Variants in ANO10 observed in about 807,000 individuals in gnomAD.
The protein encoded by ANO10 is anoctamin 10.
A neutral mutation model predicts 74.7 loss-of-function variants in ANO10; 77 were observed. The ratio of observed to expected loss-of-function variants is 1.03; its 90% CI spans 0.86 to 1.25. The LOEUF is 1.25. Among genes scored for constraint, ANO10 ranks in the 50% most tolerant of loss-of-function variants. The pLI, the probability that ANO10 is intolerant of heterozygous loss-of-function variation, is 0.00. For missense variants in ANO10, 721 were observed against 778.1 expected, an observed-to-expected ratio of 0.93 and a Z score of 0.87; for synonymous variants, 279 against 284.9, an observed-to-expected ratio of 0.98 and a Z score of 0.21.
intron 11 of ANO10, among the ~76,000 whole-genome samples, chr3:43,545,750 T>C (rs2149294461): frequency 6.6e-6 from 1 of 152,324 alleles, no homozygotes; most frequent in East Asian, 1.9e-4. Context: ...AATTGAAATA[T>C]ATTTAAGTTA....
At chr3:43,636,307 AT>A (rs1264731978) in intron 1 of ANO10, 1 of 152,224 alleles carries the variant, frequency 6.6e-6, no homozygotes, top group Non-Finnish European at 1.5e-5. Flanking sequence ...AGGGAGGTTA[AT>A]TTTTCTGGCA....
intron 11 of ANO10, among the ~76,000 whole-genome samples, chr3:43,475,569 T>C (rs1301301551): frequency 6.6e-6 from 1 of 152,126 alleles, no homozygotes; most frequent in Non-Finnish European, 1.5e-5. Context: ...AAAATGCCTA[T>C]CACAAATTTG....
At chr3:43,535,368 A>G (rs1274449593) in intron 11 of ANO10, among the ~76,000 whole-genome samples, 1 of 146,452 alleles carries the variant, frequency 6.8e-6, no homozygotes, top group African/African-American at 2.5e-5. Flanking sequence ...CTCTGCCTCC[A>G]GGGTTCAAGC....
chr3:43,505,306 T>A (rs1463258797), intron 11 of ANO10, among the ~76,000 whole-genome samples: 1 of 152,236 alleles, frequency 6.6e-6, no homozygotes, highest in Non-Finnish European at 1.5e-5. Flanking sequence ...TTCTGTCACA[T>A]CACTTTTTCT....
At chr3:43,686,563 G>C (rs542761469) in intron 1 of ANO10, among the ~76,000 whole-genome samples, 2 of 152,336 alleles carry the variant, frequency 1.3e-5, no homozygotes, top group South Asian at 4.1e-4. Context: ...TAGGATGACA[G>C]GCGTGAGTCA....
chr3:43,393,136 C>T (rs2092310577), intron 12 of ANO10, among the ~76,000 whole-genome samples: 1 of 152,196 alleles, frequency 6.6e-6, no homozygotes. Context: ...TTATTCCAGC[C>T]CAGACTTTCC....
intron 9 of ANO10, among the ~76,000 whole-genome samples, chr3:43,560,757 T>A (rs1412841892): frequency 6.6e-6 from 1 of 152,216 alleles, no homozygotes; most frequent in African/African-American, 2.4e-5. Context: ...AGAACTGTTT[T>A]ATATTTATAC....
At chr3:43,399,076 C>T (rs867317423) in intron 12 of ANO10, among the ~76,000 whole-genome samples, 6 of 152,202 alleles carry the variant, frequency 3.9e-5, no homozygotes, top group African/African-American at 1.4e-4. Flanking sequence ...GATCCACTCA[C>T]CTCGAACTTC....
At chr3:43,549,954 C>A in intron 10 of ANO10, 106 bp from the exon 11 acceptor site, 1 of 1,288,098 alleles carries the variant, frequency 7.8e-7, no homozygotes, top group Non-Finnish European at 1.1e-6. Flanking sequence ...TACCCTAGTT[C>A]TAAACATTCC....
intron 12 of ANO10, among the ~76,000 whole-genome samples, chr3:43,406,235 T>A (rs1202341192): frequency 6.6e-6 from 1 of 152,170 alleles, no homozygotes; most frequent in Non-Finnish European, 1.5e-5. Flanking sequence ...CAGCCTCCAC[T>A]CCTGTGGGGC....
At position 43,604,504 on chromosome 3, in the gene ANO10, CT is replaced by C. The variant is rs549252213; in HGVS notation, c.139+1209del. ...CCAATTTTTGCTGCTCTTGTATCTT[CT>C]TTTTTTTTTTTGGTCCATGTGACTT... On this transcript the variant is annotated intron_variant, in intron 2 of 12. Transcript: ENST00000292246. 6.2e-3 allele frequency among the ~76,000 whole-genome samples: 872 copies of C among 141,770 alleles called. 3 individuals are homozygous for C. The highest frequency in any genetic ancestry group is 8.6e-3 in the East Asian group (42 of 4,874). The allele number at this position is 141,770 out of a possible 152,430, so 93.0% of individuals were successfully genotyped here.
intron 1 of ANO10, among the ~76,000 whole-genome samples, chr3:43,687,819 T>A (rs892923737): frequency 5.9e-5 from 9 of 151,846 alleles, no homozygotes; most frequent in Non-Finnish European, 1.3e-4. Flanking sequence ...GTCCAAGCAG[T>A]GGTTAAAGTA....
intron 11 of ANO10, among the ~76,000 whole-genome samples, chr3:43,489,852 T>TA (rs2076651068): frequency 6.7e-6 from 1 of 149,998 alleles, no homozygotes; most frequent in South Asian, 2.1e-4. Flanking sequence ...TCATGACCAT[T>TA]AGAGGCCCTG....
chr3:43,485,492 A>G, intron 11 of ANO10: 1 of 277,264 alleles, frequency 3.6e-6, no homozygotes, highest in Non-Finnish European at 7.0e-6. Flanking sequence ...GAGCTATAAC[A>G]CTCACCGCAT....
At chr3:43,664,443 G>C (rs577041056) in intron 1 of ANO10, among the ~76,000 whole-genome samples, 3 of 152,136 alleles carry the variant, frequency 2.0e-5, no homozygotes, top group Admixed American at 2.0e-4. Flanking sequence ...AGAAAACCTG[G>C]GCAATACCAT....
At position 43,432,686 on chromosome 3, in the gene ANO10, T is replaced by C. The variant is rs1268397689; in HGVS notation, c.1839A>G (p.Ile613Met). ...TCTGGATATGCCGTGGCTTATCAGG[T>C]ATGGCAAATGCAAGTATAAACTTTA... ...LALKFILAFA[I>M]PDKPRHIQMK... The change falls in exon 12 of 13, where the codon ATA (isoleucine) becomes ATG (methionine). Residue 613 changes from isoleucine (I) to methionine (M), a missense_variant. Transcript: ENST00000292246. The C allele has an allele frequency of 1.2e-6, 2 of 1,613,944 alleles. No homozygotes were observed. Among genetic ancestry groups the C allele is most frequent in the Admixed American group, 1.7e-5 (1 of 59,996 alleles).
intron 4 of ANO10, among the ~76,000 whole-genome samples, chr3:43,589,053 CAT>C (rs1272441962): frequency 6.6e-6 from 1 of 152,032 alleles, no homozygotes; most frequent in African/African-American, 2.4e-5. Flanking sequence ...TCTAAGTACT[CAT>C]GTCATATGAA....
chr3:43,568,176 T>G (rs2080479092), intron 7 of ANO10, among the ~76,000 whole-genome samples: 1 of 152,088 alleles, frequency 6.6e-6, no homozygotes, highest in East Asian at 1.9e-4. Flanking sequence ...GCACCAAGAT[T>G]CATAAAGCAA....
chr3:43,512,469 G>T (rs562358479), intron 11 of ANO10, among the ~76,000 whole-genome samples: 1 of 152,226 alleles, frequency 6.6e-6, no homozygotes, highest in East Asian at 1.9e-4. Context: ...GCAAAATTAA[G>T]ACCTGAGGCA....
Sources: allele counts gnomAD v4.1 joint callset (sites outside exome capture counted in the v4.1 genomes callset), GRCh38; gene constraint gnomAD v4.1.1; transcripts MANE v1.5; gene names NCBI Gene and HGNC (gene_info 2026-07-23, HGNC 2026-07-21).